VPS53: variants seen among roughly 807,000 people sequenced by gnomAD.
VPS53 encodes VPS53 subunit of GARP complex, also known as vacuolar protein sorting-associated protein 53 homolog.
A neutral mutation model predicts 107.0 loss-of-function variants in VPS53; 70 were observed. The ratio of observed to expected loss-of-function variants is 0.65; its 90% CI spans 0.54 to 0.80. The LOEUF (loss-of-function observed/expected upper bound fraction) is 0.80. Among genes scored for constraint, VPS53 ranks in the 30% least tolerant of loss-of-function variants. VPS53 has a pLI of 0.00. For synonymous variants in VPS53, 409 were observed against 393.3 expected (o/e 1.04, Z -0.47); for missense variants, 917 against 1,049.4 (o/e 0.87, Z 1.74).
chr17:632,602 G>T, intron 7 of VPS53: 1 of 395,360 alleles, frequency 2.5e-6, no homozygotes, highest in Non-Finnish European at 5.1e-6. Flanking sequence ...CCAAATACTA[G>T]ATCGTATCAT....
Position 601,778 on chromosome 17 carries a change from A to G in VPS53, c.1218+17T>C, listed in dbSNP as rs756815934. 2.5e-6 allele frequency: 4 copies of G among 1,573,198 alleles called. No homozygotes were observed. Among genetic ancestry groups the G allele is most frequent in the African/African-American group, 2.7e-5 (2 of 73,326 alleles). On this transcript the variant is annotated intron_variant, in intron 12 of 21. Transcript: ENST00000437048. ...CACATTGGGTAGGTTACCCGTGGTG[A>G]CGCAAACCAGACTTACTTGATCTAA...
At chr17:656,960 T>C in intron 5 of VPS53, 2 of 1,015,776 alleles carry the variant, frequency 2.0e-6, no homozygotes, top group South Asian at 1.3e-5. Context: ...GTCTTTCACA[T>C]GAACCACGTC....
chr17:586,389 C>T (rs1026425903), intron 12 of VPS53, 25 bp from the exon 13 acceptor site: 2 of 1,602,826 alleles, frequency 1.2e-6, no homozygotes, highest in Non-Finnish European at 1.7e-6. Flanking sequence ...AAAAATAAAC[C>T]CCATACTTGA....
chr17:603,022 T>A (rs1025153303), intron 11 of VPS53, among the ~76,000 whole-genome samples: 3 of 152,156 alleles, frequency 2.0e-5, no homozygotes, highest in Non-Finnish European at 2.9e-5. Flanking sequence ...AGTGGGTCAA[T>A]CTGAATTAAT....
chr17:707,103 CT>C (rs1973435590), intron 2 of VPS53, among the ~76,000 whole-genome samples: 1 of 152,242 alleles, frequency 6.6e-6, no homozygotes, highest in Admixed American at 6.5e-5. Context: ...GGAGCAAACA[CT>C]GAAGCCTCTA....
chr17:528,306 G>A (rs983495936), intron 19 of VPS53, among the ~76,000 whole-genome samples: 1 of 152,088 alleles, frequency 6.6e-6, no homozygotes, highest in Non-Finnish European at 1.5e-5. Context: ...TCTGTTTTAC[G>A]GATTTGCCTG....
At position 509,784 on chromosome 17, in the gene VPS53, T is replaced by C; in HGVS notation, c.*9344A>G. The C allele has an allele frequency of 5.7e-6, 1 of 174,178 alleles. No homozygotes were observed. Among genetic ancestry groups the C allele is most frequent in the Non-Finnish European group, 1.2e-5 (1 of 81,844 alleles). The allele number at this position is 174,178 out of a possible 1,614,324, so 10.8% of individuals were successfully genotyped here. ...GGCTCACCCCCTTACTAGTCACATA[T>C]CAAATCCTGGCTCGCCCCTCACTAG... On this transcript the variant is annotated 3_prime_UTR_variant, in exon 22 of 22. Transcript: ENST00000437048.
intron 4 of VPS53, among the ~76,000 whole-genome samples, chr17:686,199 A>T (rs916410396): frequency 6.6e-6 from 1 of 152,146 alleles, no homozygotes; most frequent in African/African-American, 2.4e-5. Context: ...GTGCACCTGT[A>T]GTCCTAGCTA....
At chr17:697,874 G>C (rs997543660) in intron 3 of VPS53, among the ~76,000 whole-genome samples, 2 of 152,092 alleles carry the variant, frequency 1.3e-5, no homozygotes, top group Non-Finnish European at 2.9e-5. Context: ...CTTATGAGGC[G>C]GAAAGAGCCA....
rs71145747 is a variant in VPS53, at chr17:531,773, CT to C, written c.2085+1068del. ...CAGCCTCCCATCACTGGGATTTATTCTTTTTTTTTTTTTTTTTTTTTGAGAT... is the reference window on the plus strand; with the variant it reads ...CAGCCTCCCATCACTGGGATTTATTCTTTTTTTTTTTTTTTTTTTTGAGAT... On this transcript the variant is annotated intron_variant, in intron 19 of 21. Coordinates refer to ENST00000437048, the MANE Select transcript of VPS53 (RefSeq NM_001128159.3). 6.1e-4 allele frequency among the ~76,000 whole-genome samples: 53 copies of C among 86,672 alleles called. 1 individual carries two copies. The highest frequency in any genetic ancestry group is 9.2e-4 in the Non-Finnish European group (45 of 48,664). 56.9% of individuals were successfully genotyped at this position (86,672 alleles called of 152,430 possible).
At chr17:651,261 G>T (rs1195457823) in intron 7 of VPS53, among the ~76,000 whole-genome samples, 8 of 152,198 alleles carry the variant, frequency 5.3e-5, no homozygotes, top group Non-Finnish European at 1.0e-4. Context: ...ACAACAATGG[G>T]ATTCTGAAGT....
intron 5 of VPS53, among the ~76,000 whole-genome samples, chr17:660,939 G>A (rs1971411794): frequency 3.3e-5 from 5 of 152,148 alleles, no homozygotes; most frequent in Admixed American, 3.3e-4. Context: ...CCATGGAGGA[G>A]GAGAAGGTGA....
At chr17:635,673 T>C (rs1396139920) in intron 7 of VPS53, among the ~76,000 whole-genome samples, 1 of 152,214 alleles carries the variant, frequency 6.6e-6, no homozygotes, top group Non-Finnish European at 1.5e-5. Flanking sequence ...CCATTTCTTG[T>C]TTTTGTCAGG....
chr17:526,812 G>A (rs572513486), intron 19 of VPS53, among the ~76,000 whole-genome samples: 63 of 152,298 alleles, frequency 4.1e-4, no homozygotes, highest in African/African-American at 1.5e-3. Context: ...ACTTCCCGAG[G>A]AGCCTCCTAC....
intron 8 of VPS53, among the ~76,000 whole-genome samples, chr17:629,809 CCACACACACACA>C (rs61004817): frequency 3.0e-4 from 42 of 140,794 alleles, no homozygotes; most frequent in East Asian, 2.5e-3. Context: ...AAAAAAAAAA[CCACACACACACA>C]CACACACACA....
At chr17:560,187 C>T (rs913860485) in intron 15 of VPS53, among the ~76,000 whole-genome samples, 17 of 152,212 alleles carry the variant, frequency 1.1e-4, no homozygotes, top group African/African-American at 3.9e-4. Flanking sequence ...GCTTACACAA[C>T]TCCAGGGAGG....
chr17:546,298 T>C (rs936960264), intron 17 of VPS53, among the ~76,000 whole-genome samples: 13 of 149,128 alleles, frequency 8.7e-5, no homozygotes, highest in Non-Finnish European at 1.6e-4. Context: ...ATCTTTATGA[T>C]TCTGGATCAG....
chr17:530,254 A>G (rs1222528287), intron 19 of VPS53, among the ~76,000 whole-genome samples: 1 of 151,438 alleles, frequency 6.6e-6, no homozygotes, highest in African/African-American at 2.4e-5. Context: ...CCCAGGTTCA[A>G]GCAATTCTCC....
In VPS53 at chr17:610,753, TAAA is replaced by T. The variant is rs34089454; in HGVS notation, c.1117-8860_1117-8858del. On this transcript the variant is annotated intron_variant, in intron 11 of 21. Transcript: ENST00000437048. The stretch of plus-strand genomic sequence containing the variant: ...CAACACGGCAAAACCCCGCCTCTAC[TAAA>T]AAAAAAAAAAAAAAATACAAAAAAT... 3.3e-3 allele frequency among the ~76,000 whole-genome samples: 427 copies of T among 128,860 alleles called. 4 individuals carry two copies. Among genetic ancestry groups the T allele is most frequent in the African/African-American group, 0.011 (392 of 34,608 alleles). 84.5% of individuals were successfully genotyped at this position (128,860 alleles called of 152,430 possible). A position where few individuals can be genotyped will look rare whatever the true frequency, so the allele number is the denominator to read the frequency against.
Sources: gnomAD v4.1 joint callset for allele counts (sites outside exome capture counted in the v4.1 genomes callset) on GRCh38, gnomAD v4.1.1 for gene constraint, MANE v1.5 for transcripts, NCBI Gene and HGNC (gene_info 2026-07-23, HGNC 2026-07-21) for gene names.